The following MGAT4C variants were observed in gnomAD, a reference collection of about 807,000 sequenced individuals.
MGAT4C encodes the protein MGAT4 family member C, also known as alpha-1,3-mannosyl-glycoprotein 4-beta-N-acetylglucosaminyltransferase C.
In MGAT4C, 19 loss-of-function variants were observed where a neutral mutation model predicts 40.1. The observed-to-expected ratio is 0.47, with a 90% CI of 0.33 to 0.70. The LOEUF (loss-of-function observed/expected upper bound fraction) is 0.70, where lower values mean the gene tolerates loss of function less well. Among genes scored for constraint, MGAT4C ranks in the 30% least tolerant of loss-of-function variants. The probability of loss-of-function intolerance (pLI) is 0.02; values close to 1 mark genes in which losing one functional copy is unlikely to be tolerated. For missense variants in MGAT4C, 491 were observed against 563.2 expected (o/e 0.87, Z 1.30); for synonymous variants, 181 against 187.1 (o/e 0.97, Z 0.27).
At chr12:86,734,644 G>A (rs1283087815) in intron 1 of MGAT4C, among the ~76,000 whole-genome samples, 1 of 151,882 alleles carries the variant, frequency 6.6e-6, no homozygotes, top group African/African-American at 2.4e-5. Context: ...TAGCACATGA[G>A]GATACAAAAG....
chr12:86,332,099 A>G (rs772434242), intron 4 of MGAT4C, among the ~76,000 whole-genome samples: 11 of 152,156 alleles, frequency 7.2e-5, no homozygotes, highest in Non-Finnish European at 1.5e-4. Flanking sequence ...TCATGAAATT[A>G]TCTCATTTGT....
intron 1 of MGAT4C, among the ~76,000 whole-genome samples, chr12:86,756,068 A>C (rs559523664): frequency 1.2e-4 from 19 of 152,108 alleles, no homozygotes; most frequent in Non-Finnish European, 2.8e-4. Context: ...TACATGTATT[A>C]GTCAGTTTGG....
rs191935404 is a variant in MGAT4C, at chr12:86,710,401, C to T, written c.-229+16808G>A. On this transcript the variant is annotated intron_variant, in intron 2 of 7. Coordinates refer to the MGAT4C transcript ENST00000548651. The stretch of plus-strand genomic sequence containing the variant: ...CTTACATCAGCTTCCATAACACTTA[C>T]ATTTTCTTAAGTGCATGTTTGACTT... Among the ~76,000 whole-genome samples the T allele has an allele frequency of 5.3e-5, 8 of 152,332 alleles. No individual in the cohort carries two copies. The East Asian group carries it at 1.2e-3, about 22-fold the overall frequency.
At chr12:86,614,812 C>A (rs1244523960) in intron 2 of MGAT4C, among the ~76,000 whole-genome samples, 1 of 151,908 alleles carries the variant, frequency 6.6e-6, no homozygotes, top group Admixed American at 6.6e-5. Flanking sequence ...TGGATCATTT[C>A]CTTCAAGATC....
chr12:86,822,586 A>G (rs1400312527), intron 1 of MGAT4C, among the ~76,000 whole-genome samples: 1 of 151,206 alleles, frequency 6.6e-6, no homozygotes, highest in Non-Finnish European at 1.5e-5. Context: ...AAACAGAAGC[A>G]AAATACAAAA....
intron 1 of MGAT4C, among the ~76,000 whole-genome samples, chr12:86,835,599 A>C (rs544632356): frequency 1.3e-5 from 2 of 152,104 alleles, no homozygotes; most frequent in East Asian, 3.9e-4. Context: ...CTTTGGGAAA[A>C]TGTAAAAGTG....
At chr12:86,029,912 T>G (rs1890586836) in intron 2 of MGAT4C, among the ~76,000 whole-genome samples, 1 of 151,830 alleles carries the variant, frequency 6.6e-6, no homozygotes, top group African/African-American at 2.4e-5. Flanking sequence ...GGAGGGACAG[T>G]ATAGAAACAG....
chr12:86,198,170 T>C (rs945836895), intron 1 of MGAT4C, among the ~76,000 whole-genome samples: 3 of 152,174 alleles, frequency 2.0e-5, no homozygotes, highest in Non-Finnish European at 4.4e-5. Flanking sequence ...GTTGTCACTA[T>C]GAAACATACA....
At chr12:86,602,965 C>G (rs570728107) in intron 2 of MGAT4C, among the ~76,000 whole-genome samples, 1 of 151,398 alleles carries the variant, frequency 6.6e-6, no homozygotes, top group African/African-American at 2.4e-5. Context: ...TTTGAGACAA[C>G]ACTGATGAAT....
chr12:86,508,690 T>C (rs1958516888), intron 2 of MGAT4C, among the ~76,000 whole-genome samples: 1 of 148,726 alleles, frequency 6.7e-6, no homozygotes, highest in South Asian at 2.2e-4. Context: ...GGAAAAGTGT[T>C]CCTATTTCTC....
chr12:86,828,833 T>C (rs549235754), intron 1 of MGAT4C, among the ~76,000 whole-genome samples: 34 of 151,606 alleles, frequency 2.2e-4, no homozygotes, highest in Admixed American at 1.5e-3. Flanking sequence ...AAAAGGAGAC[T>C]AGTGGTTGCC....
intron 2 of MGAT4C, among the ~76,000 whole-genome samples, chr12:86,025,985 A>G (rs1055439570): frequency 6.6e-6 from 1 of 151,770 alleles, no homozygotes; most frequent in Non-Finnish European, 1.5e-5. Flanking sequence ...TGAATGTACA[A>G]TGATACATTA....
At chr12:86,535,018 T>C (rs1488207369) in intron 2 of MGAT4C, among the ~76,000 whole-genome samples, 1 of 152,060 alleles carries the variant, frequency 6.6e-6, no homozygotes, top group Non-Finnish European at 1.5e-5. Flanking sequence ...ACTCTAAATA[T>C]AAGCTCATCT....
chr12:86,539,997 T>C (rs1266499650), intron 2 of MGAT4C, among the ~76,000 whole-genome samples: 1 of 152,192 alleles, frequency 6.6e-6, no homozygotes, highest in Non-Finnish European at 1.5e-5. Context: ...TGGTAGTTTC[T>C]TTTGCTGTGC....
chr12:86,618,586 A>G (rs535784111), intron 2 of MGAT4C, among the ~76,000 whole-genome samples: 1 of 152,186 alleles, frequency 6.6e-6, no homozygotes, highest in Non-Finnish European at 1.5e-5. Context: ...AGAAAGATAA[A>G]TATATCATGT....
At chr12:86,320,968 T>C (rs1270126624) in intron 4 of MGAT4C, among the ~76,000 whole-genome samples, 1 of 152,100 alleles carries the variant, frequency 6.6e-6, no homozygotes, top group East Asian at 1.9e-4. Flanking sequence ...TTCTTGCTCC[T>C]AAACAATTAA....
At chr12:86,547,802 GACAA>G (rs766501244) in intron 2 of MGAT4C, among the ~76,000 whole-genome samples, 2 of 152,040 alleles carry the variant, frequency 1.3e-5, no homozygotes, top group Non-Finnish European at 2.9e-5. Context: ...AAAAGAGACA[GACAA>G]ACATATTCCC....
chr12:86,537,028 C>G (rs957552093), intron 2 of MGAT4C, among the ~76,000 whole-genome samples: 6 of 152,168 alleles, frequency 3.9e-5, no homozygotes, highest in African/African-American at 1.2e-4. Flanking sequence ...ACATGGAATA[C>G]TATGCAGCCA....
intron 2 of MGAT4C, among the ~76,000 whole-genome samples, chr12:86,556,369 A>G (rs1368984341): frequency 6.6e-6 from 1 of 152,176 alleles, no homozygotes; most frequent in African/African-American, 2.4e-5. Context: ...GAGACCTATA[A>G]CTTACTTCAC....
Sources: gnomAD v4.1 joint callset for allele counts (sites outside exome capture counted in the v4.1 genomes callset) on GRCh38, gnomAD v4.1.1 for gene constraint, MANE v1.5 for transcripts, NCBI Gene and HGNC (gene_info 2026-07-23, HGNC 2026-07-21) for gene names.